Variants in BMAL2 observed in about 807,000 individuals in gnomAD.
The protein encoded by BMAL2 is basic helix-loop-helix ARNT like 2, also known as basic helix-loop-helix ARNT-like protein 2.
the BMAL2 span, among the ~76,000 whole-genome samples, chr12:27,343,379 C>T: frequency 6.6e-5 from 10 of 152,110 alleles, no homozygotes; most frequent in Admixed American, 1.3e-4. Flanking sequence ...CAAAGTTAAA[C>T]GGAAGGTGTC....
chr12:27,377,017 A>G, the BMAL2 span, among the ~76,000 whole-genome samples: 5 of 151,172 alleles, frequency 3.3e-5, no homozygotes, highest in South Asian at 2.1e-4. Context: ...AAAAAAAAAA[A>G]AAAAAAAGAA....
the BMAL2 span, among the ~76,000 whole-genome samples, chr12:27,344,367 G>T: frequency 7.2e-5 from 11 of 152,328 alleles, no homozygotes; most frequent in East Asian, 1.5e-3. Context: ...CCTAATGATT[G>T]TGTGATGTTT....
the BMAL2 span, among the ~76,000 whole-genome samples, chr12:27,345,324 G>A: frequency 6.6e-6 from 1 of 152,176 alleles, no homozygotes; most frequent in African/African-American, 2.4e-5. Flanking sequence ...AGTTTCTGCA[G>A]TAATTGAGGA....
At chr12:27,339,669 G>T in the BMAL2 span, among the ~76,000 whole-genome samples, 2 of 150,806 alleles carry the variant, frequency 1.3e-5, no homozygotes, top group Non-Finnish European at 2.9e-5. Flanking sequence ...CTGTCACCCA[G>T]GCTGGAGTGC....
At chr12:27,381,261 A>G in the BMAL2 span, among the ~76,000 whole-genome samples, 1 of 152,204 alleles carries the variant, frequency 6.6e-6, no homozygotes, top group Admixed American at 6.5e-5. Context: ...TCAAAGTGTA[A>G]TAAATGTATA....
At chr12:27,368,745 A>G in the BMAL2 span, among the ~76,000 whole-genome samples, 1 of 152,244 alleles carries the variant, frequency 6.6e-6, no homozygotes, top group African/African-American at 2.4e-5. Context: ...TGTTTGATTT[A>G]AAATAATAAT....
chr12:27,406,637 A>T, the BMAL2 span, among the ~76,000 whole-genome samples: 1 of 152,238 alleles, frequency 6.6e-6, no homozygotes, highest in Non-Finnish European at 1.5e-5. Context: ...CCACTGCAAA[A>T]ACATGCCAAA....
At chr12:27,423,324 C>CTTTTTTTTTTTTTTTTT in the BMAL2 span, 2 of 85,920 alleles carry the variant, frequency 2.3e-5, no homozygotes, top group African/African-American at 4.5e-5. Flanking sequence ...CTTTTCTTTT[C>CTTTTTTTTTTTTTTTTT]TTTTTTTTTT....
At chr12:27,418,883 A>G in the BMAL2 span, among the ~76,000 whole-genome samples, 4 of 151,680 alleles carry the variant, frequency 2.6e-5, no homozygotes, top group Admixed American at 2.6e-4. Flanking sequence ...GGAGGCTGAG[A>G]CAGGAAAATC....
the BMAL2 span, among the ~76,000 whole-genome samples, chr12:27,365,119 T>C: frequency 6.6e-6 from 1 of 152,054 alleles, no homozygotes; most frequent in East Asian, 1.9e-4. Context: ...CATTTTCCTT[T>C]TTCTTGCCTT....
At chr12:27,357,997 C>G in the BMAL2 span, among the ~76,000 whole-genome samples, 1 of 151,662 alleles carries the variant, frequency 6.6e-6, no homozygotes, top group African/African-American at 2.4e-5. Context: ...GCAACAAAAG[C>G]AAAGATAAAT....
At chr12:27,401,461 C>A in the BMAL2 span, 1 of 1,541,766 alleles carries the variant, frequency 6.5e-7, no homozygotes, top group South Asian at 1.2e-5. Flanking sequence ...TTGAATTAAT[C>A]TTCACAACAT....
the BMAL2 span, chr12:27,389,426 A>G: frequency 3.3e-6 from 2 of 608,568 alleles, no homozygotes; most frequent in African/African-American, 3.7e-5. Flanking sequence ...TAAACTTTAC[A>G]TCATACTTAA....
the BMAL2 span, chr12:27,394,397 G>A: frequency 2.0e-5 from 3 of 152,004 alleles, no homozygotes; most frequent in Non-Finnish European, 2.9e-5. Flanking sequence ...ACACTGTATT[G>A]AAATTACTTA....
the BMAL2 span, among the ~76,000 whole-genome samples, chr12:27,371,763 T>G: frequency 4.6e-5 from 7 of 152,136 alleles, no homozygotes; most frequent in African/African-American, 1.7e-4. Flanking sequence ...AATTTGCCAT[T>G]TGAACCACTA....
At chr12:27,372,230 C>CAAAAAAAA in the BMAL2 span, among the ~76,000 whole-genome samples, 1 of 124,852 alleles carries the variant, frequency 8.0e-6, no homozygotes. Context: ...GACTCTATCT[C>CAAAAAAAA]AAAAAAAAAA....
chr12:27,385,897 G>T, the BMAL2 span, among the ~76,000 whole-genome samples: 1 of 151,988 alleles, frequency 6.6e-6, no homozygotes, highest in African/African-American at 2.4e-5. Flanking sequence ...TGTTCCCTCA[G>T]GATCCTGTTC....
the BMAL2 span, among the ~76,000 whole-genome samples, chr12:27,333,507 C>T: frequency 1.3e-5 from 2 of 152,268 alleles, no homozygotes; most frequent in South Asian, 4.1e-4. Flanking sequence ...GCGGGGACTT[C>T]CTATATTTCT....
the BMAL2 span, chr12:27,394,685 G>C: frequency 6.6e-6 from 1 of 152,164 alleles, no homozygotes; most frequent in African/African-American, 2.4e-5. Context: ...AGCAAATGCT[G>C]TGGACTGAAT....
Sources: gnomAD v4.1 joint callset for allele counts (sites outside exome capture counted in the v4.1 genomes callset) on GRCh38, gnomAD v4.1.1 for gene constraint, MANE v1.5 for transcripts, NCBI Gene and HGNC (gene_info 2026-07-23, HGNC 2026-07-21) for gene names.